Variants in NDE1 observed in about 807,000 individuals in gnomAD.
NDE1 encodes nudE neurodevelopment protein 1.
Under a neutral mutation model 43.4 loss-of-function variants are expected in NDE1, and 28 were observed. That is an observed-to-expected ratio of 0.65 (90% CI 0.48 to 0.89). The LOEUF (loss-of-function observed/expected upper bound fraction) is 0.89, where lower values mean the gene tolerates loss of function less well. NDE1 is among the 40% of genes least tolerant of loss of function. The pLI is 0.00. For synonymous variants in NDE1, 184 were observed against 172.0 expected (o/e 1.07, Z -0.55); for missense variants, 441 against 434.1 (o/e 1.02, Z -0.14).
Position 15,703,643 on chromosome 16 carries a change from C to T in NDE1, c.947+6783C>T, listed in dbSNP as rs1461432013. On this transcript the variant is annotated intron_variant, in intron 8 of 8. Coordinates refer to ENST00000396354, the MANE Select transcript of NDE1 (RefSeq NM_017668.3). ...GGTCTCTGTTGCCCAGGCTGGAGTG[C>T]AATGATGCAATTATAGCTCATTGCA... 1.4e-5 allele frequency: 6 copies of T among 416,988 alleles called. No homozygotes were observed. In the South Asian group the frequency reaches 1.4e-4, roughly 10 times the overall value. The allele number at this position is 416,988 out of a possible 1,614,324, so 25.8% of individuals were successfully genotyped here. A position where few individuals can be genotyped will look rare whatever the true frequency, so the allele number is the denominator to read the frequency against.
At chr16:15,692,517 C>G (rs78707175) in intron 6 of NDE1, among the ~76,000 whole-genome samples, 5,790 of 152,016 alleles carry the variant, frequency 0.038, 130 homozygotes, top group Non-Finnish European at 0.051. Context: ...TCAAGTGATT[C>G]TCCTGCCTCA....
intron 1 of NDE1, among the ~76,000 whole-genome samples, chr16:15,652,767 A>T (rs990314972): frequency 2.5e-4 from 38 of 152,080 alleles, no homozygotes; most frequent in African/African-American, 8.7e-4. Context: ...AGGCTCAAGC[A>T]ATCCTCTTGC....
At chr16:15,653,443 A>G (rs1188475202) in intron 1 of NDE1, among the ~76,000 whole-genome samples, 1 of 152,130 alleles carries the variant, frequency 6.6e-6, no homozygotes, top group East Asian at 1.9e-4. Flanking sequence ...GCATGTGTGG[A>G]CATTTGGCAG....
chr16:15,665,453 T>C (rs997324460), intron 2 of NDE1, among the ~76,000 whole-genome samples: 1 of 148,244 alleles, frequency 6.7e-6, no homozygotes, highest in Non-Finnish European at 1.5e-5. Flanking sequence ...CTTTTTCTTC[T>C]TTTTTTTTTG....
intron 8 of NDE1, among the ~76,000 whole-genome samples, chr16:15,722,395 G>A (rs117080187): frequency 6.6e-6 from 1 of 152,268 alleles, no homozygotes; most frequent in Non-Finnish European, 1.5e-5. Context: ...CCATGCTCAC[G>A]TTAATCTCAT....
intron 5 of NDE1, among the ~76,000 whole-genome samples, chr16:15,690,359 T>TC (rs2038686294): frequency 1.0e-5 from 1 of 99,454 alleles, no homozygotes; most frequent in Non-Finnish European, 1.9e-5. Flanking sequence ...TTTTCTTTTT[T>TC]TTTTTTTTTT....
intron 2 of NDE1, among the ~76,000 whole-genome samples, chr16:15,667,020 C>T (rs1244249599): frequency 6.6e-6 from 1 of 152,134 alleles, no homozygotes; most frequent in Admixed American, 6.6e-5. Flanking sequence ...CCGAGGCAGG[C>T]AGATCACCTC....
chr16:15,681,203 T>C (rs1371268189), intron 4 of NDE1, among the ~76,000 whole-genome samples: 1 of 149,148 alleles, frequency 6.7e-6, no homozygotes, highest in African/African-American at 2.5e-5. Context: ...ATTTTATTTT[T>C]ATTTTCTTTA....
chr16:15,664,350 G>GT (rs1555537142), intron 1 of NDE1, among the ~76,000 whole-genome samples: 2 of 151,944 alleles, frequency 1.3e-5, no homozygotes, highest in East Asian at 3.9e-4. Context: ...CCAGCATAAA[G>GT]TTTATTTATT....
chr16:15,651,630 A>G (rs565485133), intron 1 of NDE1: 2 of 151,736 alleles, frequency 1.3e-5, no homozygotes, highest in East Asian at 2.0e-4. Flanking sequence ...TTTAGTAGAG[A>G]TGGGGTTTCA....
At chr16:15,667,681 G>A (rs963394092) in intron 3 of NDE1, among the ~76,000 whole-genome samples, 1 of 143,638 alleles carries the variant, frequency 7.0e-6, no homozygotes. Flanking sequence ...GCCCAGGCTG[G>A]AGGGCAGTGG....
chr16:15,715,279 A>C (rs1435830832), intron 8 of NDE1: 1 of 1,613,762 alleles, frequency 6.2e-7, no homozygotes, highest in Admixed American at 1.7e-5. Flanking sequence ...CTCTCTGCAA[A>C]CAGCAAGGAA....
intron 8 of NDE1, among the ~76,000 whole-genome samples, chr16:15,704,610 T>C (rs1380161065): frequency 1.3e-5 from 2 of 152,148 alleles, no homozygotes; most frequent in African/African-American, 4.8e-5. Flanking sequence ...GTTTTCAAGA[T>C]TTGAATTGGA....
At position 15,715,546 on chromosome 16, in the gene NDE1, AATAG is replaced by A. The variant is rs1224235586; in HGVS notation, c.948-8641_948-8638del. Among the ~76,000 whole-genome samples the A allele has an allele frequency of 1.3e-5, 2 of 152,246 alleles. 1 individual carries two copies. The highest frequency in any genetic ancestry group is 4.1e-4 in the South Asian group (2 of 4,830). On this transcript the variant is annotated intron_variant, in intron 8 of 8. Coordinates refer to ENST00000396354, the MANE Select transcript of NDE1 (RefSeq NM_017668.3). ...GATTCCGTTGATATCAAGTGTCCAG[AATAG>A]ATAAATTCATAGAGACAGAAAGTAG... is the stretch of plus-strand genomic sequence containing the variant.
At chr16:15,681,111 TTTAA>T (rs2038151605) in intron 4 of NDE1, among the ~76,000 whole-genome samples, 1 of 151,352 alleles carries the variant, frequency 6.6e-6, no homozygotes, top group Non-Finnish European at 1.5e-5. Flanking sequence ...TGCAATATTT[TTTAA>T]TTGTTTAATT....
At chr16:15,678,661 T>A (rs1236342346) in intron 4 of NDE1, among the ~76,000 whole-genome samples, 1 of 152,122 alleles carries the variant, frequency 6.6e-6, no homozygotes, top group African/African-American at 2.4e-5. Flanking sequence ...TAAACTGATG[T>A]TCTGTGGTTT....
At chr16:15,687,253 A>G (rs2038484871) in intron 4 of NDE1, 122 bp from the exon 5 acceptor site, 1 of 1,586,352 alleles carries the variant, frequency 6.3e-7, no homozygotes, top group Non-Finnish European at 8.5e-7. Flanking sequence ...TGTGGCATCT[A>G]GGAAGTTTGG....
chr16:15,671,875 G>A (rs942119659), intron 3 of NDE1, among the ~76,000 whole-genome samples: 1 of 151,856 alleles, frequency 6.6e-6, no homozygotes, highest in Admixed American at 6.6e-5. Context: ...GTTATTTTTT[G>A]TAGAGACGGG....
In NDE1 at chr16:15,725,604, G is replaced by T. The variant is rs2040714887; in HGVS notation, c.*1353G>T. 2.5e-6 allele frequency: 1 copy of T among 405,536 alleles called. No homozygotes were observed. Among genetic ancestry groups the T allele is most frequent in the South Asian group, 1.1e-4 (1 of 8,750 alleles). 25.1% of individuals were successfully genotyped at this position (405,536 alleles called of 1,614,324 possible). ...CCTCCATCTCTTCCATTGACAAGGA[G>T]GATATGAATGATCTTGACACTGCTT... On this transcript the variant is annotated 3_prime_UTR_variant, in exon 9 of 9. Transcript: ENST00000396354.
Sources: allele counts gnomAD v4.1 joint callset (sites outside exome capture counted in the v4.1 genomes callset), GRCh38; gene constraint gnomAD v4.1.1; transcripts MANE v1.5; gene names NCBI Gene and HGNC (gene_info 2026-07-23, HGNC 2026-07-21).